Variants in KCNN3 observed in about 807,000 individuals in gnomAD.
KCNN3 encodes the protein potassium calcium-activated channel subfamily N member 3.
In KCNN3, 16 loss-of-function variants were observed where a neutral mutation model predicts 62.9. That is an observed-to-expected ratio of 0.25 (90% confidence interval 0.17 to 0.39). KCNN3 has a LOEUF of 0.39. KCNN3 is among the 10% of genes least tolerant of loss of function. KCNN3 has a pLI of 1.00. For synonymous variants in KCNN3, 370 were observed against 389.2 expected (o/e 0.95, Z 0.58); for missense variants, 599 against 949.4 (o/e 0.63, Z 4.85).
rs146610229 is a variant in KCNN3 at position 154,837,914 on chromosome 1, C to T, written c.934-15730G>A. On this transcript the variant is annotated intron_variant, in intron 1 of 7. Transcript: ENST00000271915. ...GCTGGGCCCAGCCAGGGCTGTGTGC[C>T]GTGGGGAGCCAGGTGTGCTGAGGTC... Among the ~76,000 whole-genome samples the T allele has an allele frequency of 6.5e-3, 996 of 152,256 alleles. 11 individuals are homozygous for T. Among genetic ancestry groups the T allele is most frequent in the African/African-American group, 0.022 (933 of 41,540 alleles).
chr1:154,834,347 C>T (rs1651495357), intron 1 of KCNN3, among the ~76,000 whole-genome samples: 1 of 152,204 alleles, frequency 6.6e-6, no homozygotes. Flanking sequence ...AAGGAAACTG[C>T]AAGATGCAAA....
At chr1:154,812,089 C>T (rs780530226) in intron 2 of KCNN3, among the ~76,000 whole-genome samples, 3 of 152,116 alleles carry the variant, frequency 2.0e-5, no homozygotes, top group African/African-American at 4.8e-5. Context: ...CTATGCAGGA[C>T]CCAGATATGA....
At chr1:154,747,511 T>C (rs1039685683) in intron 3 of KCNN3, among the ~76,000 whole-genome samples, 8 of 152,146 alleles carry the variant, frequency 5.3e-5, no homozygotes, top group Non-Finnish European at 8.8e-5. Flanking sequence ...ATTTTTTTTG[T>C]TATGGCAGTT....
At chr1:154,714,393 TG>T (rs1193500383) in intron 6 of KCNN3, among the ~76,000 whole-genome samples, 1 of 147,902 alleles carries the variant, frequency 6.8e-6, no homozygotes, top group African/African-American at 2.5e-5. Flanking sequence ...GTGGGGTGTG[TG>T]TGTGTGGTGT....
rs987148597 is a variant in KCNN3, at chr1:154,705,442, C to A, written c.*2534G>T. 6.6e-6 allele frequency: 1 copy of A among 152,018 alleles called. No individual in the cohort carries two copies. The highest frequency in any genetic ancestry group is 1.5e-5 in the Non-Finnish European group (1 of 68,000). 9.4% of individuals were successfully genotyped at this position (152,018 alleles called of 1,614,324 possible). On this transcript the variant is annotated 3_prime_UTR_variant, in exon 8 of 8. Coordinates refer to ENST00000271915, the MANE Select transcript of KCNN3 (RefSeq NM_002249.6). ...GAATAAAAATCATGTATAGCTATTG[C>A]ACTACCAATAGGTCAATTCATGCTA...
At chr1:154,746,818 G>A (rs946940545) in intron 3 of KCNN3, among the ~76,000 whole-genome samples, 27 of 152,178 alleles carry the variant, frequency 1.8e-4, no homozygotes, top group Non-Finnish European at 3.1e-4. Flanking sequence ...CAGCAAACTT[G>A]CATTTTGCAC....
At chr1:154,746,007 T>C (rs1030044428) in intron 3 of KCNN3, among the ~76,000 whole-genome samples, 4 of 152,228 alleles carry the variant, frequency 2.6e-5, no homozygotes, top group Non-Finnish European at 5.9e-5. Context: ...CTTACCTCTC[T>C]GTGTCTTGGG....
At chr1:154,715,581 TTC>T (rs1700217449) in intron 5 of KCNN3, among the ~76,000 whole-genome samples, 1 of 152,036 alleles carries the variant, frequency 6.6e-6, no homozygotes. Context: ...TTCTTTTTCT[TTC>T]TTTCTCTCTT....
chr1:154,779,232 G>A lies in KCNN3; in HGVS notation c.1030-6839C>T, dbSNP rs138480239. ...ATTTTAAGCCATTATGTTTTGAGGT[G>A]CTTTGTTATGCAACAAAACTAATAT... On this transcript the variant is annotated intron_variant, in intron 2 of 7. Transcript: ENST00000271915. Among the ~76,000 whole-genome samples the A allele has an allele frequency of 3.9e-5, 6 of 152,290 alleles. 1 individual carries two copies. The highest frequency in any genetic ancestry group is 1.4e-4 in the African/African-American group (6 of 41,560).
chr1:154,785,893 A>T (rs1040189414), intron 2 of KCNN3, among the ~76,000 whole-genome samples: 1 of 151,742 alleles, frequency 6.6e-6, no homozygotes, highest in Non-Finnish European at 1.5e-5. Flanking sequence ...GAGCCACCAC[A>T]CCTGGCCTCC....
At chr1:154,717,753 C>G (rs1700261781) in intron 5 of KCNN3, among the ~76,000 whole-genome samples, 2 of 152,132 alleles carry the variant, frequency 1.3e-5, no homozygotes, top group Admixed American at 6.5e-5. Context: ...AACTGCCAGC[C>G]CTTGCACTGA....
chr1:154,811,759 C>T (rs1258333994), intron 2 of KCNN3, among the ~76,000 whole-genome samples: 1 of 152,188 alleles, frequency 6.6e-6, no homozygotes, highest in Non-Finnish European at 1.5e-5. Flanking sequence ...TTGTACTCAA[C>T]AGGAAACTAG....
At chr1:154,717,729 G>C (rs1175188442) in intron 5 of KCNN3, among the ~76,000 whole-genome samples, 1 of 152,198 alleles carries the variant, frequency 6.6e-6, no homozygotes, top group African/African-American at 2.4e-5. Flanking sequence ...CCGTGCATTC[G>C]GGAAAGTGAT....
chr1:154,821,170 G>T (rs1044879656), intron 2 of KCNN3, among the ~76,000 whole-genome samples: 2 of 152,170 alleles, frequency 1.3e-5, no homozygotes, highest in Non-Finnish European at 2.9e-5. Flanking sequence ...AAAGGTCATG[G>T]CCGAGACTTG....
intron 4 of KCNN3, among the ~76,000 whole-genome samples, chr1:154,729,975 C>G (rs1700554558): frequency 1.3e-5 from 2 of 152,326 alleles, no homozygotes; most frequent in South Asian, 4.1e-4. Flanking sequence ...AGAGAGAGTC[C>G]AGCTTTAGAA....
Position 154,787,608 on chromosome 1 carries a change from G to A in KCNN3, c.1030-15215C>T, listed in dbSNP as rs1434929985. ...TTTGCAATTCGGGGTCTGTGCTGCT[G>A]TGTGTTCAATGCCCACAGGTACTGC... On this transcript the variant is annotated intron_variant, in intron 2 of 7. Coordinates refer to ENST00000271915, the MANE Select transcript of KCNN3 (RefSeq NM_002249.6). Among the ~76,000 whole-genome samples, 15 of 152,310 alleles carry A rather than the reference G, an allele frequency of 9.8e-5. No homozygotes were observed. In the East Asian group the frequency reaches 2.3e-3, roughly 24 times the overall value.
rs527476392 is a variant in KCNN3, at chr1:154,844,710, T to A, written c.934-22526A>T. Reference sequence around the variant, plus strand: ...CACATTTTTACCCTCATTTTAGACATGAGGAAACTAGGGGGCCAGTTGCAG... The same window carrying A: ...CACATTTTTACCCTCATTTTAGACAAGAGGAAACTAGGGGGCCAGTTGCAG... On this transcript the variant is annotated intron_variant, in intron 1 of 7. Coordinates refer to ENST00000271915, the MANE Select transcript of KCNN3 (RefSeq NM_002249.6). Among the ~76,000 whole-genome samples, 17 of 152,296 alleles carry A rather than the reference T, an allele frequency of 1.1e-4. No individual in the cohort carries two copies. In the East Asian group the frequency reaches 2.5e-3, roughly 23 times the overall value.
chr1:154,835,366 T>C (rs1480639850), intron 1 of KCNN3, among the ~76,000 whole-genome samples: 1 of 152,202 alleles, frequency 6.6e-6, no homozygotes, highest in Non-Finnish European at 1.5e-5. Flanking sequence ...TATGTAGTAT[T>C]TGCTGCCAAA....
rs1402862658 is a variant in KCNN3, at chr1:154,704,659, G to T, written c.*3317C>A. 1 of 152,172 alleles carries T rather than the reference G, an allele frequency of 6.6e-6. No homozygotes were observed. The highest frequency in any genetic ancestry group is 2.4e-5 in the African/African-American group (1 of 41,436). 9.4% of individuals were successfully genotyped at this position (152,172 alleles called of 1,614,324 possible). On this transcript the variant is annotated 3_prime_UTR_variant, in exon 8 of 8. Transcript: ENST00000271915. ...GAGTGATTTTACCTGTCACTGAGTTGTCAGAAAGATTATAGTAGGGGATCT... is the reference window on the plus strand; with the variant it reads ...GAGTGATTTTACCTGTCACTGAGTTTTCAGAAAGATTATAGTAGGGGATCT...
Sources: allele counts gnomAD v4.1 joint callset (sites outside exome capture counted in the v4.1 genomes callset), GRCh38; gene constraint gnomAD v4.1.1; transcripts MANE v1.5; gene names NCBI Gene and HGNC (gene_info 2026-07-23, HGNC 2026-07-21).